CYFIP1: variants seen among roughly 807,000 people sequenced by gnomAD.
CYFIP1 encodes the protein cytoplasmic FMR1-interacting protein 1.
In CYFIP1, 58 loss-of-function variants were observed where a neutral mutation model predicts 163.5. That is an observed-to-expected ratio of 0.35 (90% CI 0.29 to 0.44). CYFIP1 has a LOEUF of 0.44. Among genes scored for constraint, CYFIP1 ranks in the 20% least tolerant of loss-of-function variants. The pLI is 1.00. For synonymous variants in CYFIP1, 663 were observed against 660.7 expected (o/e 1.00, Z -0.05); for missense variants, 1,338 against 1,653.8 (o/e 0.81, Z 3.31).
chr15:22,869,360 G>C lies in CYFIP1; in HGVS notation c.*668C>G, dbSNP rs2059353369. 1 of 152,214 alleles carries C rather than the reference G, an allele frequency of 6.6e-6. No homozygotes were observed. The highest frequency in any genetic ancestry group is 2.4e-5 in the African/African-American group (1 of 41,416). 9.4% of individuals were successfully genotyped at this position (152,214 alleles called of 1,614,324 possible). ...GGTGTCACGGTCCCATCCCACCTCA[G>C]CCTTAGAGGTGACCTCCATCCCAGC... On this transcript the variant is annotated 3_prime_UTR_variant, in exon 31 of 31. Transcript: ENST00000617928.
chr15:22,931,059 TGTCA>T (rs1382728214), intron 11 of CYFIP1, among the ~76,000 whole-genome samples: 2 of 152,044 alleles, frequency 1.3e-5, no homozygotes, highest in African/African-American at 4.8e-5. Flanking sequence ...ACTACTGGGT[TGTCA>T]GTCAGTTTGG....
At position 22,868,161 on chromosome 15, in the gene CYFIP1, CCTT is replaced by C. The variant is rs1421409302; in HGVS notation, c.*1864_*1866del. ...CTCACCACTGGCTGCGTGGAAACTC[CCTT>C]TTTTCCAACTTTATTATTGGCCTTC... is the stretch of plus-strand genomic sequence containing the variant. On this transcript the variant is annotated 3_prime_UTR_variant, in exon 31 of 31. Coordinates refer to ENST00000617928, the MANE Select transcript of CYFIP1 (RefSeq NM_014608.6). The C allele has an allele frequency of 1.3e-5, 2 of 152,212 alleles. No individual in the cohort carries two copies. Among genetic ancestry groups the C allele is most frequent in the Admixed American group, 6.5e-5 (1 of 15,284 alleles). The allele number at this position is 152,212 out of a possible 1,614,324, so 9.4% of individuals were successfully genotyped here.
intron 13 of CYFIP1, among the ~76,000 whole-genome samples, chr15:22,923,507 ACTG>A (rs753598431): frequency 5.3e-5 from 8 of 152,286 alleles, no homozygotes; most frequent in Non-Finnish European, 1.2e-4. Context: ...GCCCTCACTT[ACTG>A]CTGGTAAGAA....
chr15:22,943,075 G>T, intron 6 of CYFIP1, 98 bp downstream of exon 6: 1 of 1,191,558 alleles, frequency 8.4e-7, no homozygotes, highest in South Asian at 1.5e-5. Flanking sequence ...CAGAAGTGAC[G>T]ACTTCAGCAA....
rs771164390 is a variant in CYFIP1, at chr15:22,937,188, G to A, written c.816C>T (p.Tyr272=). ...TGTTACTGACACTCCCATCCATCAGGTACAGACCAAATCCCATGACCTGAA... is the reference window on the plus strand; with the variant it reads ...TGTTACTGACACTCCCATCCATCAGATACAGACCAAATCCCATGACCTGAA... ...MLLKVMGFGL[Y]LMDGSVSNIY... is the part of the protein sequence containing the mutation. Residue 272 remains tyrosine (Y), a synonymous_variant, in exon 9 of 31, where the codon TAC becomes TAT. Coordinates refer to ENST00000617928, the MANE Select transcript of CYFIP1 (RefSeq NM_014608.6). 5.6e-6 allele frequency: 9 copies of A among 1,612,068 alleles called. No individual in the cohort carries two copies. The East Asian group carries it at 8.9e-5, about 16-fold the overall frequency.
intron 1 of CYFIP1, among the ~76,000 whole-genome samples, chr15:22,970,842 C>T (rs191313852): frequency 1.3e-5 from 2 of 152,134 alleles, no homozygotes; most frequent in African/African-American, 2.4e-5. Flanking sequence ...TTTGGGAGGC[C>T]GAGTCGGGCA....
At chr15:22,925,440 G>A (rs1167317417) in intron 13 of CYFIP1, among the ~76,000 whole-genome samples, 6 of 152,180 alleles carry the variant, frequency 3.9e-5, no homozygotes, top group African/African-American at 1.4e-4. Flanking sequence ...GGGTTGGACG[G>A]AATTGTTTCA....
chr15:22,941,078 C>T (rs1260215575), intron 6 of CYFIP1, among the ~76,000 whole-genome samples: 1 of 152,088 alleles, frequency 6.6e-6, no homozygotes, highest in African/African-American at 2.4e-5. Flanking sequence ...TAAATAGACA[C>T]AGGGTCTCAC....
At chr15:22,920,015 C>G (rs2061119345) in intron 13 of CYFIP1, among the ~76,000 whole-genome samples, 1 of 151,304 alleles carries the variant, frequency 6.6e-6, no homozygotes, top group Non-Finnish European at 1.5e-5. Flanking sequence ...GAGCGAGACC[C>G]TGTCTCAAAA....
At position 22,917,908 on chromosome 15, in the gene CYFIP1, C is replaced by A. The variant is rs780943343; in HGVS notation, c.1554G>T (p.Val518=). 3 of 1,613,788 alleles carry A rather than the reference C, an allele frequency of 1.9e-6. No individual in the cohort carries two copies. In the South Asian group the frequency reaches 3.3e-5, roughly 18 times the overall value. ...GCTCATGCCCCGTCTCCCAGTCACACACGGTCTTCCTGATGGCCTGCAGGA... is the reference window on the plus strand; with the variant it reads ...GCTCATGCCCCGTCTCCCAGTCACAAACGGTCTTCCTGATGGCCTGCAGGA... ...QSVLQAIRKT[V]CDWETGHEPF... Residue 518 remains valine (V), a synonymous_variant, in exon 15 of 31, where the codon GTG becomes GTT. Coordinates refer to ENST00000617928, the MANE Select transcript of CYFIP1 (RefSeq NM_014608.6). This position sits in a 1 kb window ranked among gnomAD's most constrained non-coding sequence, Gnocchi z 4.2.
At position 22,870,112 on chromosome 15, in the gene CYFIP1, C is replaced by G. The variant is rs776077167; in HGVS notation, c.3678G>C (p.Leu1226=). 1 of 1,613,262 alleles carries G rather than the reference C, an allele frequency of 6.2e-7. No individual in the cohort carries two copies. Among genetic ancestry groups the G allele is most frequent in the Non-Finnish European group, 8.5e-7 (1 of 1,179,702 alleles). The part of the protein sequence containing the change: ...DEIITILDKY[L]KSGDGEGTPV... ...GCGTGCCCTCCCCGTCGCCTGACTT[C>G]AGGTACTTATCCAGGATGGTGATGA... is the stretch of plus-strand genomic sequence containing the variant. Residue 1226 remains leucine, a synonymous_variant, in exon 31 of 31, where the codon CTG becomes CTC. Coordinates refer to ENST00000617928, the MANE Select transcript of CYFIP1 (RefSeq NM_014608.6).
intron 1 of CYFIP1, among the ~76,000 whole-genome samples, chr15:22,965,937 G>A (rs1251880343): frequency 1.3e-5 from 2 of 152,136 alleles, no homozygotes; most frequent in East Asian, 1.9e-4. Flanking sequence ...CTCAAAATTC[G>A]TGTGTTGAAG....
In CYFIP1 at chr15:22,916,637, T is replaced by C. The variant is rs1566968235; in HGVS notation, c.1675-7A>G. The C allele has an allele frequency of 6.2e-7, 1 of 1,614,134 alleles. No homozygotes were observed. The highest frequency in any genetic ancestry group is 1.6e-4 in the Middle Eastern group (1 of 6,062). ...TGGTTCTCACCATGTAAAGCTGGAT[T>C]ATCCAAGGAAACATTTGTGGGGGAG... On this transcript the variant is annotated splice_polypyrimidine_tract_variant and splice_region_variant and intron_variant, in intron 15 of 30. Coordinates refer to ENST00000617928, the MANE Select transcript of CYFIP1 (RefSeq NM_014608.6).
At chr15:22,904,416 T>C (rs544314875) in intron 21 of CYFIP1, 9 of 175,898 alleles carry the variant, frequency 5.1e-5, no homozygotes, top group African/African-American at 2.1e-4. Context: ...CTGTCCGATG[T>C]GGCAGCCGGG....
At chr15:22,879,539 A>G (rs1305245623) in intron 26 of CYFIP1, among the ~76,000 whole-genome samples, 1 of 152,174 alleles carries the variant, frequency 6.6e-6, no homozygotes, top group African/African-American at 2.4e-5. Context: ...TCAGTTCCTC[A>G]GTCACACTGA....
chr15:22,867,393 A>G lies in CYFIP1; in HGVS notation c.*2635T>C. The G allele has an allele frequency of 5.2e-6, 2 of 387,370 alleles. No individual in the cohort carries two copies. The highest frequency in any genetic ancestry group is 9.1e-6 in the Non-Finnish European group (2 of 219,904). The allele number at this position is 387,370 out of a possible 1,614,324, so 24.0% of individuals were successfully genotyped here. The stretch of plus-strand genomic sequence containing the variant: ...AAGGAACCTCTTTCTTACAAAACAA[A>G]AAAAAGGGCAGAAATCACCCCAAGG... On this transcript the variant is annotated 3_prime_UTR_variant, in exon 31 of 31. Coordinates refer to ENST00000617928, the MANE Select transcript of CYFIP1 (RefSeq NM_014608.6).
chr15:22,921,351 C>G (rs941489505), intron 13 of CYFIP1, among the ~76,000 whole-genome samples: 8 of 150,900 alleles, frequency 5.3e-5, no homozygotes, highest in Admixed American at 5.3e-4. Flanking sequence ...CTAGGTGACA[C>G]AGCGAGACTC....
At chr15:22,894,496 G>A (rs1451125853) in intron 22 of CYFIP1, among the ~76,000 whole-genome samples, 1 of 151,050 alleles carries the variant, frequency 6.6e-6, no homozygotes, top group Non-Finnish European at 1.5e-5. Flanking sequence ...CTCCATTTTG[G>A]TCAGGCTGGT....
At chr15:22,937,744 GC>G (rs1279671247) in intron 8 of CYFIP1, among the ~76,000 whole-genome samples, 1 of 151,740 alleles carries the variant, frequency 6.6e-6, no homozygotes, top group Non-Finnish European at 1.5e-5. Context: ...GATTACAGGC[GC>G]CCATGACCAC....
Sources: gnomAD v4.1 joint callset for allele counts (sites outside exome capture counted in the v4.1 genomes callset) on GRCh38, gnomAD v4.1.1 for gene constraint, Gnocchi (gnomAD v3.1) non-coding constraint, MANE v1.5 for transcripts, NCBI Gene and HGNC (gene_info 2026-07-23, HGNC 2026-07-21) for gene names.